ASXL1: variants seen among roughly 807,000 people sequenced by gnomAD.
The protein encoded by ASXL1 is polycomb group protein ASXL1.
A neutral mutation model predicts 89.1 loss-of-function variants in ASXL1; 65 were observed. The observed-to-expected ratio is 0.73, with a 90% CI of 0.60 to 0.90. The LOEUF (loss-of-function observed/expected upper bound fraction) is 0.90. Ranked by LOEUF, ASXL1 falls within the 40% of genes least tolerant of loss-of-function variation. The pLI is 0.00. For missense variants in ASXL1, 1,786 were observed against 1,942.9 expected (o/e 0.92, Z 1.52); for synonymous variants, 739 against 746.9 (o/e 0.99, Z 0.17).
At chr20:32,427,487 TC>T (rs1346838618) in intron 4 of ASXL1, 1 of 161,584 alleles carries the variant, frequency 6.2e-6, no homozygotes, top group East Asian at 1.8e-4. Context: ...CCTCGTGCCC[TC>T]TCTAGCTTCC....
At chr20:32,387,203 G>A (rs1282297880) in intron 4 of ASXL1, among the ~76,000 whole-genome samples, 2 of 152,034 alleles carry the variant, frequency 1.3e-5, no homozygotes, top group African/African-American at 4.8e-5. Context: ...TTACTCAGGA[G>A]GCTGAGGTAC....
intron 4 of ASXL1, among the ~76,000 whole-genome samples, chr20:32,411,573 G>T (rs71338904): frequency 7.8e-6 from 1 of 128,026 alleles, no homozygotes; most frequent in East Asian, 2.3e-4. Context: ...ATGAAGACTC[G>T]CTCTGTTGCC....
intron 4 of ASXL1, among the ~76,000 whole-genome samples, chr20:32,420,107 C>T (rs538423572): frequency 4.7e-4 from 71 of 150,958 alleles, no homozygotes; most frequent in African/African-American, 1.7e-3. Flanking sequence ...AGGTCTGAGT[C>T]TCTTGGATCT....
At chr20:32,420,421 T>C (rs2049221892) in intron 4 of ASXL1, among the ~76,000 whole-genome samples, 1 of 152,260 alleles carries the variant, frequency 6.6e-6, no homozygotes, top group Non-Finnish European at 1.5e-5. Flanking sequence ...ACATTCGTAG[T>C]GTCTTGTATT....
rs2145360219 is a variant in ASXL1, at chr20:32,434,701, C to T, written c.1989C>T (p.Ser663=). 6.2e-7 allele frequency: 1 copy of T among 1,607,412 alleles called. No homozygotes were observed. Among genetic ancestry groups the T allele is most frequent in the Non-Finnish European group, 8.5e-7 (1 of 1,177,380 alleles). Reference sequence around the variant, plus strand: ...CCGATGAGGGAGGTGGCAGAGGCAGCAGCAGTGGTGATGGTGGTGAGGCCT... The same window carrying T: ...CCGATGAGGGAGGTGGCAGAGGCAGTAGCAGTGGTGATGGTGGTGAGGCCT... ...GATDEGGGRG[S]SSGDGGEACG... is the part of the protein sequence containing the mutation. The change falls in exon 13 of 13, where the codon AGC becomes AGT. Residue 663 remains serine, a synonymous_variant. Coordinates refer to ENST00000375687, the MANE Select transcript of ASXL1 (RefSeq NM_015338.6).
intron 4 of ASXL1, among the ~76,000 whole-genome samples, chr20:32,423,013 T>A (rs2011182570): frequency 1.3e-5 from 2 of 152,228 alleles, no homozygotes; most frequent in Admixed American, 6.5e-5. Flanking sequence ...TTCTGGCACC[T>A]GTTATTTTCA....
intron 4 of ASXL1, among the ~76,000 whole-genome samples, chr20:32,426,294 T>C (rs1396765635): frequency 1.3e-5 from 2 of 152,122 alleles, no homozygotes; most frequent in Non-Finnish European, 2.9e-5. Context: ...AGGGTGTATG[T>C]ATGATTTTCT....
rs186268607 is a variant in ASXL1, at chr20:32,424,024, G to A, written c.253-4104G>A. 1.6e-4 allele frequency among the ~76,000 whole-genome samples: 25 copies of A among 152,278 alleles called. 1 individual carries two copies. The highest frequency in any genetic ancestry group is 1.6e-3 in the Admixed American group (25 of 15,302). ...GGTAGTTTGAATTGCAGACAACCAG[G>A]CCCTATTCCTGTTTGTTTAACTAAT... is the stretch of plus-strand genomic sequence containing the variant. On this transcript the variant is annotated intron_variant, in intron 4 of 12. Transcript: ENST00000375687.
At chr20:32,423,347 A>G (rs2123178528) in intron 4 of ASXL1, among the ~76,000 whole-genome samples, 1 of 151,874 alleles carries the variant, frequency 6.6e-6, no homozygotes, top group Admixed American at 6.6e-5. Context: ...CTTGTGCCTC[A>G]GCTTCCCAAG....
At chr20:32,428,479 G>T in intron 6 of ASXL1, 57 bp downstream of exon 6, 1 of 1,464,718 alleles carries the variant, frequency 6.8e-7, no homozygotes, top group Non-Finnish European at 9.6e-7. Context: ...TATAAGGCAA[G>T]ATCCCTCCTT....
At chr20:32,378,415 G>T (rs1434232701) in intron 4 of ASXL1, among the ~76,000 whole-genome samples, 6 of 152,110 alleles carry the variant, frequency 3.9e-5, no homozygotes, top group African/African-American at 1.4e-4. Flanking sequence ...TTCAGATTGT[G>T]GAGCTCCTTG....
In ASXL1 at chr20:32,430,277, C is replaced by T. The variant is rs1012125458; in HGVS notation, c.718+224C>T. 12 of 615,108 alleles carry T rather than the reference C, an allele frequency of 2.0e-5. 1 individual carries two copies. In the Middle Eastern group the frequency reaches 1.4e-3, roughly 69 times the overall value. The allele number at this position is 615,108 out of a possible 1,614,324, so 38.1% of individuals were successfully genotyped here. A position where few individuals can be genotyped will look rare whatever the true frequency, so the allele number is the denominator to read the frequency against. ...GCAGAGATGATGCCATACTGTTTCT[C>T]GTATGTCCCTGTAGGCCTAGTCTAT... On this transcript the variant is annotated intron_variant, in intron 8 of 12. Transcript: ENST00000375687.
Position 32,429,742 on chromosome 20 carries a change from G to A in ASXL1, c.566-159G>A. 1 of 1,049,612 alleles carries A rather than the reference G, an allele frequency of 9.5e-7. No individual in the cohort carries two copies. The highest frequency in any genetic ancestry group is 1.6e-5 in the South Asian group (1 of 64,212). 65.0% of individuals were successfully genotyped at this position (1,049,612 alleles called of 1,614,324 possible). On this transcript the variant is annotated intron_variant, in intron 7 of 12. Coordinates refer to ENST00000375687, the MANE Select transcript of ASXL1 (RefSeq NM_015338.6). The surrounding 1 kb of genome is among the most constrained non-coding windows in gnomAD (Gnocchi z 4.9). Reference sequence around the variant, plus strand: ...CCTGTAAGGTGATATTTTAAAGCCAGACCATGAAGTGGTGGTTTCTCTCAG... The same window carrying A: ...CCTGTAAGGTGATATTTTAAAGCCAAACCATGAAGTGGTGGTTTCTCTCAG...
intron 4 of ASXL1, among the ~76,000 whole-genome samples, chr20:32,393,996 A>AT (rs11312197): frequency 1.4e-3 from 145 of 100,948 alleles, no homozygotes; most frequent in African/African-American, 4.1e-3. Context: ...ACACCTGGCT[A>AT]TTTTTTTTTT....
At chr20:32,398,635 A>T (rs1195757786) in intron 4 of ASXL1, among the ~76,000 whole-genome samples, 2 of 108,664 alleles carry the variant, frequency 1.8e-5, no homozygotes, top group African/African-American at 7.4e-5. Context: ...TTTGAGACGG[A>T]GTCTTGCTCT....
At chr20:32,385,404 A>G (rs2048562999) in intron 4 of ASXL1, among the ~76,000 whole-genome samples, 1 of 152,212 alleles carries the variant, frequency 6.6e-6, no homozygotes, top group Admixed American at 6.5e-5. Flanking sequence ...TTTGTACATC[A>G]TGAGAGGAGT....
At chr20:32,410,097 C>T (rs1034125573) in intron 4 of ASXL1, among the ~76,000 whole-genome samples, 6 of 152,112 alleles carry the variant, frequency 3.9e-5, no homozygotes, top group Non-Finnish European at 8.8e-5. Context: ...TTTCTGATAA[C>T]GATAACTTCA....
intron 4 of ASXL1, among the ~76,000 whole-genome samples, chr20:32,400,102 TA>T (rs34710186): frequency 6.6e-6 from 1 of 151,116 alleles, no homozygotes; most frequent in East Asian, 1.9e-4. Context: ...TGATTTGGTT[TA>T]AAAAAAAATC....
At position 32,437,122 on chromosome 20, in the gene ASXL1, T is replaced by G; in HGVS notation, c.4410T>G (p.Ser1470Arg). The G allele has an allele frequency of 6.2e-7, 1 of 1,614,200 alleles. No homozygotes were observed. The highest frequency in any genetic ancestry group is 8.5e-7 in the Non-Finnish European group (1 of 1,180,034). ...CCTTTCCCAAAGGCCTTGCTGGAAG[T>G]GTGGTGCAGCTGAGCCACAAAGCAA... ...SPTFPKGLAG[S>R]VVQLSHKANF... The change falls in exon 13 of 13, where the codon AGT (serine) becomes AGG (arginine). Residue 1470 changes from serine (S) to arginine (R), a missense_variant. Physicochemically the swap from Ser to Arg is moderately radical, Grantham distance 110 (BLOSUM62 -1). Transcript: ENST00000375687.
Sources: allele counts gnomAD v4.1 joint callset (sites outside exome capture counted in the v4.1 genomes callset), GRCh38; gene constraint gnomAD v4.1.1; non-coding constraint Gnocchi (gnomAD v3.1); transcripts MANE v1.5; gene names NCBI Gene and HGNC (gene_info 2026-07-23, HGNC 2026-07-21).